Variants in SYNDIG1 observed in about 807,000 individuals in gnomAD.
SYNDIG1 encodes the protein synapse differentiation-inducing gene protein 1.
Under a neutral mutation model 19.4 loss-of-function variants are expected in SYNDIG1, and 9 were observed. The ratio of observed to expected loss-of-function variants is 0.46; its 90% confidence interval spans 0.28 to 0.81. The LOEUF is 0.81. Among genes scored for constraint, SYNDIG1 ranks in the 30% least tolerant of loss-of-function variants. The probability of loss-of-function intolerance (pLI) is 0.12; values close to 1 mark genes in which losing one functional copy is unlikely to be tolerated. For missense variants in SYNDIG1, 311 were observed against 343.3 expected (o/e 0.91, Z 0.74); for synonymous variants, 141 against 145.9 (o/e 0.97, Z 0.24).
At chr20:24,550,492 G>GT (rs1300183661) in intron 2 of SYNDIG1, among the ~76,000 whole-genome samples, 1 of 149,534 alleles carries the variant, frequency 6.7e-6, no homozygotes, top group Non-Finnish European at 1.5e-5. Flanking sequence ...CTTTAATCAT[G>GT]TGGTATATTA....
intron 1 of SYNDIG1, among the ~76,000 whole-genome samples, chr20:24,535,332 G>A (rs971648924): frequency 2.3e-4 from 35 of 152,240 alleles, no homozygotes; most frequent in Admixed American, 1.5e-3. Flanking sequence ...TAAATGTACA[G>A]CAGTGTGCTT....
chr20:24,607,661 G>A (rs8116508), intron 3 of SYNDIG1, among the ~76,000 whole-genome samples: 338 of 152,190 alleles, frequency 2.2e-3, no homozygotes, highest in African/African-American at 6.1e-3. Context: ...GAAATTCACA[G>A]GCAGCTGTGG....
intron 3 of SYNDIG1, among the ~76,000 whole-genome samples, chr20:24,657,373 T>G (rs950300509): frequency 1.3e-5 from 2 of 152,122 alleles, no homozygotes; most frequent in African/African-American, 2.4e-5. Flanking sequence ...GAAGCCTCCC[T>G]GGGAGGAAGT....
intron 3 of SYNDIG1, among the ~76,000 whole-genome samples, chr20:24,606,112 G>A (rs2058753417): frequency 6.6e-6 from 1 of 152,194 alleles, no homozygotes; most frequent in East Asian, 1.9e-4. Flanking sequence ...TGACTACCAG[G>A]CCAGCCTGGC....
chr20:24,625,192 A>G (rs2059104063), intron 3 of SYNDIG1, among the ~76,000 whole-genome samples: 1 of 152,310 alleles, frequency 6.6e-6, no homozygotes, highest in South Asian at 2.1e-4. Flanking sequence ...GAAGAAATGA[A>G]TAACATTATA....
chr20:24,483,925 G>A (rs1341023779), intron 1 of SYNDIG1, among the ~76,000 whole-genome samples: 6 of 152,194 alleles, frequency 3.9e-5, no homozygotes, highest in Non-Finnish European at 8.8e-5. Context: ...CTCGGAATGC[G>A]AAAGAGTGAC....
At chr20:24,632,663 G>A (rs1417873020) in intron 3 of SYNDIG1, among the ~76,000 whole-genome samples, 1 of 152,224 alleles carries the variant, frequency 6.6e-6, no homozygotes, top group East Asian at 1.9e-4. Flanking sequence ...TCTTTGTCAA[G>A]AGTCCAGGTA....
Position 24,535,335 on chromosome 20 carries a change from G to T in SYNDIG1, c.-78-7685G>T, listed in dbSNP as rs1354928668. 2.0e-5 allele frequency among the ~76,000 whole-genome samples: 3 copies of T among 152,232 alleles called. No individual in the cohort carries two copies. The East Asian group carries it at 5.8e-4, about 29-fold the overall frequency. On this transcript the variant is annotated intron_variant, in intron 1 of 3. Transcript: ENST00000376862. ...AAACCTCATCACTAAATGTACAGCA[G>T]TGTGCTTTCTTCCTAAGTACTACTG...
intron 1 of SYNDIG1, among the ~76,000 whole-genome samples, chr20:24,510,211 C>T (rs2056707728): frequency 2.0e-5 from 3 of 152,144 alleles, no homozygotes; most frequent in Admixed American, 2.0e-4. Flanking sequence ...GCCTAATGCA[C>T]TTTCTGTTGC....
At chr20:24,476,318 G>A (rs1568756132) in intron 1 of SYNDIG1, among the ~76,000 whole-genome samples, 1 of 152,104 alleles carries the variant, frequency 6.6e-6, no homozygotes, top group Non-Finnish European at 1.5e-5. Flanking sequence ...GGAATAATCT[G>A]TTTTGTTATT....
chr20:24,503,620 C>T (rs2050725965), intron 1 of SYNDIG1, among the ~76,000 whole-genome samples: 1 of 151,750 alleles, frequency 6.6e-6, no homozygotes, highest in African/African-American at 2.4e-5. Context: ...TCCAGTCCCT[C>T]TGACCCTTTG....
chr20:24,659,735 G>A (rs1410519359), intron 3 of SYNDIG1, among the ~76,000 whole-genome samples: 1 of 152,250 alleles, frequency 6.6e-6, no homozygotes, highest in Non-Finnish European at 1.5e-5. Context: ...GTGCTGCCTT[G>A]TCAACGTAAT....
intron 3 of SYNDIG1, among the ~76,000 whole-genome samples, chr20:24,645,220 C>G (rs1225620225): frequency 1.3e-5 from 2 of 152,130 alleles, no homozygotes; most frequent in Non-Finnish European, 2.9e-5. Context: ...AATGAGGAAG[C>G]CAAACTGTCC....
intron 2 of SYNDIG1, among the ~76,000 whole-genome samples, chr20:24,562,490 AAATC>A (rs2057965662): frequency 6.6e-6 from 1 of 152,266 alleles, no homozygotes; most frequent in Admixed American, 6.5e-5. Context: ...CAAAAAATAA[AAATC>A]AATATCTTTA....
intron 1 of SYNDIG1, among the ~76,000 whole-genome samples, chr20:24,473,671 C>T (rs538993042): frequency 2.0e-5 from 3 of 152,282 alleles, no homozygotes; most frequent in Non-Finnish European, 2.9e-5. Context: ...GCTACTCCCT[C>T]TTTCCCCCTG....
intron 3 of SYNDIG1, among the ~76,000 whole-genome samples, chr20:24,660,128 A>G (rs2059569433): frequency 6.6e-6 from 1 of 152,192 alleles, no homozygotes; most frequent in Non-Finnish European, 1.5e-5. Context: ...TTGCCCTTCT[A>G]TCGCTGGCAC....
At chr20:24,542,036 G>A (rs1211199231) in intron 1 of SYNDIG1, among the ~76,000 whole-genome samples, 2 of 152,146 alleles carry the variant, frequency 1.3e-5, no homozygotes, top group Non-Finnish European at 2.9e-5. Context: ...ATGAAGCAAA[G>A]GCAATATATA....
intron 1 of SYNDIG1, among the ~76,000 whole-genome samples, chr20:24,494,334 G>C (rs951246483): frequency 1.3e-5 from 2 of 152,206 alleles, no homozygotes; most frequent in African/African-American, 4.8e-5. Flanking sequence ...AGTGGCCTTA[G>C]AACCACACAG....
intron 2 of SYNDIG1, among the ~76,000 whole-genome samples, chr20:24,544,999 T>A (rs1233728397): frequency 6.6e-6 from 1 of 151,818 alleles, no homozygotes; most frequent in Admixed American, 6.6e-5. Flanking sequence ...GGGAGGAAGT[T>A]TGGAGCAGAA....
Sources: gnomAD v4.1 joint callset for allele counts (sites outside exome capture counted in the v4.1 genomes callset) on GRCh38, gnomAD v4.1.1 for gene constraint, MANE v1.5 for transcripts, NCBI Gene and HGNC (gene_info 2026-07-23, HGNC 2026-07-21) for gene names.